The following GALNTL6 variants were observed in gnomAD, a reference collection of about 807,000 sequenced individuals.
GALNTL6 encodes the protein polypeptide N-acetylgalactosaminyltransferase-like 6.
In GALNTL6, 46 loss-of-function variants were observed where a neutral mutation model predicts 73.7. That is an observed-to-expected ratio of 0.62 (90% CI 0.49 to 0.80). GALNTL6 has a LOEUF of 0.80. GALNTL6 is among the 30% of genes least tolerant of loss of function. The probability of loss-of-function intolerance (pLI) is 0.00; values close to 1 mark genes in which losing one functional copy is unlikely to be tolerated. For synonymous variants in GALNTL6, 259 were observed against 263.7 expected, an observed-to-expected ratio of 0.98 and a Z score of 0.17; for missense variants, 604 against 755.0, an observed-to-expected ratio of 0.80 and a Z score of 2.34.
chr4:172,121,786 G>A (rs1401495905), intron 2 of GALNTL6, among the ~76,000 whole-genome samples: 2 of 152,006 alleles, frequency 1.3e-5, no homozygotes, highest in African/African-American at 4.8e-5. Flanking sequence ...CATAGGGGTT[G>A]TACCTCTGGA....
At chr4:172,581,811 C>T (rs771699581) in intron 5 of GALNTL6, among the ~76,000 whole-genome samples, 1 of 152,152 alleles carries the variant, frequency 6.6e-6, no homozygotes, top group African/African-American at 2.4e-5. Flanking sequence ...TGGAATCCCA[C>T]CTCTCCTGTA....
rs139451157 is a variant in GALNTL6 at position 172,748,025 on chromosome 4, C to T, written c.554-61336C>T. Reference sequence around the variant, plus strand: ...AAACTGCAACTTTTAAGTGAAACAACATGTAACAAAACCAATTTTACTATA... The same window carrying T: ...AAACTGCAACTTTTAAGTGAAACAATATGTAACAAAACCAATTTTACTATA... On this transcript the variant is annotated intron_variant, in intron 5 of 12. Transcript: ENST00000506823. Among the ~76,000 whole-genome samples the T allele has an allele frequency of 4.4e-3, 672 of 152,064 alleles. 3 individuals are homozygous for T. The highest frequency in any genetic ancestry group is 0.016 in the African/African-American group (643 of 41,472).
chr4:172,924,281 C>G (rs1747935415), intron 8 of GALNTL6, among the ~76,000 whole-genome samples: 1 of 152,152 alleles, frequency 6.6e-6, no homozygotes. Context: ...TGTGTTTGAA[C>G]TGGCCAAAAC....
At chr4:172,457,406 A>T (rs888188927) in intron 5 of GALNTL6, among the ~76,000 whole-genome samples, 1 of 152,218 alleles carries the variant, frequency 6.6e-6, no homozygotes. Context: ...CAGTTAAAAG[A>T]CACAGACTGG....
At chr4:172,251,952 A>T (rs143448713) in intron 3 of GALNTL6, among the ~76,000 whole-genome samples, 1 of 152,192 alleles carries the variant, frequency 6.6e-6, no homozygotes, top group Admixed American at 6.5e-5. Flanking sequence ...GATTTATAGA[A>T]TTTATAGCAA....
chr4:172,140,115 C>A (rs1015273279), intron 2 of GALNTL6, among the ~76,000 whole-genome samples: 1 of 152,006 alleles, frequency 6.6e-6, no homozygotes, highest in Admixed American at 6.6e-5. Flanking sequence ...ATAATCCCAA[C>A]AAACCTCATA....
Position 172,348,659 on chromosome 4 carries a change from A to C in GALNTL6, c.523A>C (p.Ile175Leu). The change falls in exon 5 of 13, where the codon ATC becomes CTC. Residue 175 changes from isoleucine to leucine, a missense_variant. Around this residue, in one of 5 missense-constraint regions of GALNTL6, gnomAD observed 179 missense variants for 230.8 expected, o/e 0.78. Coordinates refer to ENST00000506823, the MANE Select transcript of GALNTL6 (RefSeq NM_001034845.3). ...NRTPGSLIAEIILVDDFSERE... is the reference protein window; with the variant it reads ...NRTPGSLIAELILVDDFSERE... ...AACCCCAGGGAGTCTGATAGCAGAAATCATTCTAGTAGATGACTTCAGTGA... is the reference window on the plus strand; with the variant it reads ...AACCCCAGGGAGTCTGATAGCAGAACTCATTCTAGTAGATGACTTCAGTGA... The C allele has an allele frequency of 6.2e-7, 1 of 1,611,590 alleles. No individual in the cohort carries two copies. Among genetic ancestry groups the C allele is most frequent in the African/African-American group, 1.3e-5 (1 of 74,984 alleles).
intron 2 of GALNTL6, among the ~76,000 whole-genome samples, chr4:172,116,748 T>G (rs949575132): frequency 6.6e-6 from 1 of 152,200 alleles, no homozygotes; most frequent in Non-Finnish European, 1.5e-5. Flanking sequence ...AACAGCAAAG[T>G]GCATTACAGT....
At chr4:172,002,741 A>T (rs565461786) in intron 2 of GALNTL6, among the ~76,000 whole-genome samples, 1 of 152,240 alleles carries the variant, frequency 6.6e-6, no homozygotes, top group East Asian at 1.9e-4. Context: ...TGATTGAGTG[A>T]TGGGTCCATC....
At chr4:172,564,182 A>G (rs1736479366) in intron 5 of GALNTL6, among the ~76,000 whole-genome samples, 2 of 152,190 alleles carry the variant, frequency 1.3e-5, no homozygotes, top group African/African-American at 2.4e-5. Flanking sequence ...GTTGCATTCT[A>G]TTGGTAATCT....
chr4:172,677,876 A>C (rs1732396492), intron 5 of GALNTL6, among the ~76,000 whole-genome samples: 1 of 152,220 alleles, frequency 6.6e-6, no homozygotes, highest in East Asian at 1.9e-4. Context: ...TGAAGGCAAA[A>C]AAAAAAAATT....
chr4:172,193,115 T>TC (rs1282712594), intron 2 of GALNTL6, among the ~76,000 whole-genome samples: 1 of 152,188 alleles, frequency 6.6e-6, no homozygotes, highest in Non-Finnish European at 1.5e-5. Context: ...GTCCAGGCAG[T>TC]CCAGATGAGA....
intron 5 of GALNTL6, among the ~76,000 whole-genome samples, chr4:172,725,260 T>C (rs1442235253): frequency 1.3e-5 from 2 of 152,180 alleles, no homozygotes; most frequent in Admixed American, 6.5e-5. Context: ...TAAAAGCAAC[T>C]TCCAACTGAA....
At chr4:171,852,805 ATAAGT>A (rs1009020343) in intron 2 of GALNTL6, among the ~76,000 whole-genome samples, 1 of 63,376 alleles carries the variant, frequency 1.6e-5, no homozygotes, top group Non-Finnish European at 3.5e-5. Flanking sequence ...TAAGAAAAAG[ATAAGT>A]CAAGTCACTT....
intron 5 of GALNTL6, among the ~76,000 whole-genome samples, chr4:172,653,224 CTT>C (rs5864143): frequency 7.0e-6 from 1 of 143,656 alleles, no homozygotes. Flanking sequence ...TCTCTTCTTC[CTT>C]TTTTTTTTTT....
At chr4:172,866,607 C>T (rs540585484) in intron 7 of GALNTL6, among the ~76,000 whole-genome samples, 8 of 152,304 alleles carry the variant, frequency 5.3e-5, no homozygotes, top group East Asian at 1.9e-4. Context: ...GCATTACACA[C>T]GGTCCCTCCG....
chr4:172,566,128 T>C (rs1208966331), intron 5 of GALNTL6, among the ~76,000 whole-genome samples: 3 of 152,126 alleles, frequency 2.0e-5, no homozygotes, highest in Admixed American at 6.6e-5. Flanking sequence ...CAATAATGAA[T>C]GGAACATTCT....
chr4:172,739,096 A>C (rs1390058702), intron 5 of GALNTL6, among the ~76,000 whole-genome samples: 1 of 152,170 alleles, frequency 6.6e-6, no homozygotes, highest in Non-Finnish European at 1.5e-5. Flanking sequence ...CCCCACTTCC[A>C]TCATGGCTTG....
At chr4:172,398,365 T>C (rs1743922315) in intron 5 of GALNTL6, among the ~76,000 whole-genome samples, 1 of 152,188 alleles carries the variant, frequency 6.6e-6, no homozygotes, top group African/African-American at 2.4e-5. Flanking sequence ...AATGAACATA[T>C]ATTAAATGGC....
Sources: gnomAD v4.1 joint callset for allele counts (sites outside exome capture counted in the v4.1 genomes callset) on GRCh38, gnomAD v4.1.1 for gene constraint, gnomAD v4.1.1 regional missense constraint, MANE v1.5 for transcripts, NCBI Gene and HGNC (gene_info 2026-07-23, HGNC 2026-07-21) for gene names.